The following STK40 variants were observed in gnomAD, a reference collection of about 807,000 sequenced individuals.
STK40 encodes the protein serine/threonine kinase 40.
STK40 carries 13 observed loss-of-function variants against 47.9 expected under a neutral mutation model. That is an observed-to-expected ratio of 0.27 (90% CI 0.18 to 0.43). The LOEUF (loss-of-function observed/expected upper bound fraction) is 0.43. STK40 is among the 20% of genes least tolerant of loss of function. The pLI, the probability that STK40 is intolerant of heterozygous loss-of-function variation, is 1.00. For missense variants in STK40, 460 were observed against 595.1 expected, an observed-to-expected ratio of 0.77 and a Z score of 2.36; for synonymous variants, 225 against 243.2, an observed-to-expected ratio of 0.93 and a Z score of 0.69.
At chr1:36,358,609 T>C (rs1221940606) in intron 3 of STK40, 128 bp downstream of exon 3, 2 of 1,175,840 alleles carry the variant, frequency 1.7e-6, no homozygotes, top group Non-Finnish European at 2.4e-6. Flanking sequence ...GTGAACTTGA[T>C]TGCTTCTCGG....
rs144038793 is a variant in STK40 at position 36,351,106 on chromosome 1, G to A, written c.624-2291C>T. On this transcript the variant is annotated intron_variant, in intron 6 of 10. Transcript: ENST00000373132. ...TCACGCTTTAGCTATGGCCCTCTGG[G>A]CTGCCACAGTGTTTTTCTCCTTTTC... Among the ~76,000 whole-genome samples the A allele has an allele frequency of 2.3e-3, 343 of 152,306 alleles. 4 individuals are homozygous for A. The highest frequency in any genetic ancestry group is 0.018 in the East Asian group (91 of 5,178).
intron 1 of STK40, among the ~76,000 whole-genome samples, chr1:36,371,669 A>AGCAAGACCCTGTC (rs1423094939): frequency 7.3e-6 from 1 of 136,590 alleles, no homozygotes; most frequent in Non-Finnish European, 1.5e-5. Context: ...TGCGTGACAG[A>AGCAAGACCCTGTC]GCAAGACCCT....
chr1:36,342,042 G>A (rs897181797), intron 10 of STK40, 69 bp from the exon 11 acceptor site: 8 of 1,447,174 alleles, frequency 5.5e-6, no homozygotes, highest in East Asian at 2.5e-5. Context: ...CAGACAGGAG[G>A]GCAGGCAAGA....
At chr1:36,347,732 AACCTCC>A (rs1262797847) in intron 7 of STK40, among the ~76,000 whole-genome samples, 1 of 150,290 alleles carries the variant, frequency 6.7e-6, no homozygotes, top group African/African-American at 2.5e-5. Context: ...GGCTCACTGC[AACCTCC>A]ACCTCCTGGG....
chr1:36,370,270 C>T (rs777219843), intron 1 of STK40, among the ~76,000 whole-genome samples: 1 of 152,228 alleles, frequency 6.6e-6, no homozygotes, highest in East Asian at 1.9e-4. Flanking sequence ...AGGCCCTGTG[C>T]GGGAGAATCC....
intron 1 of STK40, among the ~76,000 whole-genome samples, chr1:36,382,808 T>C (rs763581084): frequency 1.4e-4 from 21 of 152,328 alleles, no homozygotes; most frequent in Non-Finnish European, 2.4e-4. Context: ...ACATCTTACT[T>C]ACTCCTCACA....
At chr1:36,377,952 A>G (rs914481899) in intron 1 of STK40, among the ~76,000 whole-genome samples, 3 of 152,224 alleles carry the variant, frequency 2.0e-5, no homozygotes, top group African/African-American at 7.2e-5. Context: ...GACTACCTTA[A>G]GGGCAAGAAT....
rs1163946147 is a variant in STK40, at chr1:36,341,660, G to T, written c.*95C>A. The T allele has an allele frequency of 4.8e-6, 7 of 1,470,464 alleles. No individual in the cohort carries two copies. The highest frequency in any genetic ancestry group is 2.5e-5 in the South Asian group (2 of 80,182). 91.1% of individuals were successfully genotyped at this position (1,470,464 alleles called of 1,614,324 possible). ...CTGCCCTGTCCCTATTGTGGCCCGG[G>T]AGAGTCCAGCACTACAGGGCCCAGC... On this transcript the variant is annotated 3_prime_UTR_variant, in exon 11 of 11. Transcript: ENST00000373132.
intron 1 of STK40, among the ~76,000 whole-genome samples, chr1:36,363,869 C>G (rs984319033): frequency 6.9e-6 from 1 of 145,076 alleles, no homozygotes; most frequent in East Asian, 2.1e-4. Context: ...TACATCTTGT[C>G]AGCCAAGCGC....
At chr1:36,356,456 C>T (rs1406065696) in intron 4 of STK40, among the ~76,000 whole-genome samples, 2 of 126,910 alleles carry the variant, frequency 1.6e-5, no homozygotes, top group African/African-American at 3.0e-5. Flanking sequence ...GACGGAGTCT[C>T]ACTCTGTTGC....
intron 4 of STK40, among the ~76,000 whole-genome samples, chr1:36,357,690 C>G (rs1646816945): frequency 1.3e-5 from 2 of 152,306 alleles, no homozygotes; most frequent in East Asian, 1.9e-4. Flanking sequence ...AATCTTGGCT[C>G]ACTGCAACCT....
At chr1:36,352,401 T>G (rs1646766653) in intron 6 of STK40, among the ~76,000 whole-genome samples, 1 of 152,172 alleles carries the variant, frequency 6.6e-6, no homozygotes, top group African/African-American at 2.4e-5. Flanking sequence ...TGACCTTCAC[T>G]TTCACAGATG....
Position 36,341,688 on chromosome 1 carries a change from T to G in STK40, c.*67A>C. On this transcript the variant is annotated 3_prime_UTR_variant, in exon 11 of 11. Transcript: ENST00000373132. ...AGTCCAGCACTACAGGGCCCAGCCC[T>G]GACAGCCACGCCTTTGGCTGGGGCT... 3 of 1,580,766 alleles carry G rather than the reference T, an allele frequency of 1.9e-6. No individual in the cohort carries two copies. The highest frequency in any genetic ancestry group is 2.6e-6 in the Non-Finnish European group (3 of 1,157,928).
chr1:36,361,358 AC>A lies in STK40; in HGVS notation c.-8-19del. On this transcript the variant is annotated intron_variant, in intron 1 of 10. Coordinates refer to ENST00000373132, the MANE Select transcript of STK40 (RefSeq NM_001282547.2). Reference sequence around the variant, plus strand: ...TCTCAGCTCTAGACAAGACAGAAAGACCCCTTCTCACTGAGTAAGTCAGCGA... The same window carrying A: ...TCTCAGCTCTAGACAAGACAGAAAGACCCTTCTCACTGAGTAAGTCAGCGA... 1.2e-6 allele frequency: 2 copies of A among 1,613,614 alleles called. No homozygotes were observed. Among genetic ancestry groups the A allele is most frequent in the Non-Finnish European group, 1.7e-6 (2 of 1,179,980 alleles).
intron 2 of STK40, 135 bp from the exon 3 acceptor site, chr1:36,358,957 G>A: frequency 1.1e-6 from 1 of 888,720 alleles, no homozygotes; most frequent in Non-Finnish European, 1.7e-6. Flanking sequence ...GACCCTCCAA[G>A]GTCTCCTGGT....
chr1:36,359,699 T>C (rs1351725461), intron 2 of STK40, among the ~76,000 whole-genome samples: 2 of 152,362 alleles, frequency 1.3e-5, no homozygotes, highest in Admixed American at 1.3e-4. Context: ...TTTTTACCAG[T>C]GCAATGTTCA....
chr1:36,351,484 A>G (rs1172104537), intron 6 of STK40, among the ~76,000 whole-genome samples: 2 of 152,136 alleles, frequency 1.3e-5, no homozygotes, highest in Admixed American at 1.3e-4. Flanking sequence ...CACACGGAGC[A>G]GTGAGTCTCT....
intron 1 of STK40, among the ~76,000 whole-genome samples, chr1:36,380,386 T>A (rs1274937025): frequency 6.6e-6 from 1 of 152,178 alleles, no homozygotes; most frequent in Non-Finnish European, 1.5e-5. Flanking sequence ...AGCTTCTGGC[T>A]CCCTTAGAAC....
chr1:36,377,665 C>A (rs1647003648), intron 1 of STK40, among the ~76,000 whole-genome samples: 1 of 151,876 alleles, frequency 6.6e-6, no homozygotes, highest in Admixed American at 6.6e-5. Context: ...AGCTTGTGTG[C>A]CAATGCAATG....
Sources: allele counts gnomAD v4.1 joint callset (sites outside exome capture counted in the v4.1 genomes callset), GRCh38; gene constraint gnomAD v4.1.1; transcripts MANE v1.5; gene names NCBI Gene and HGNC (gene_info 2026-07-23, HGNC 2026-07-21).